The following SPECC1 variants were observed in gnomAD, a reference collection of about 807,000 sequenced individuals.
SPECC1 encodes sperm antigen with calponin homology and coiled-coil domains 1, also known as cytospin-B.
A neutral mutation model predicts 104.1 loss-of-function variants in SPECC1; 62 were observed. The ratio of observed to expected loss-of-function variants is 0.60; its 90% CI spans 0.49 to 0.74. SPECC1 has a LOEUF of 0.74. Among genes scored for constraint, SPECC1 ranks in the 30% least tolerant of loss-of-function variants. SPECC1 has a pLI of 0.00. For missense variants in SPECC1, 1,306 were observed against 1,310.5 expected (o/e 1.00, Z 0.05); for synonymous variants, 513 against 501.6 (o/e 1.02, Z -0.30).
Position 20,317,596 on chromosome 17 carries a change from G to T in SPECC1, c.*3531G>T. ...TTTTAATTAGCTGGGTACAATGATAGGCACCTGTAATCTCAGCTGCTTGGG... is the reference window on the plus strand; with the variant it reads ...TTTTAATTAGCTGGGTACAATGATATGCACCTGTAATCTCAGCTGCTTGGG... On this transcript the variant is annotated 3_prime_UTR_variant, in exon 15 of 15. Coordinates refer to ENST00000395527, the MANE Select transcript of SPECC1 (RefSeq NM_001243439.2). The T allele has an allele frequency of 5.2e-6, 1 of 192,382 alleles. No individual in the cohort carries two copies. The highest frequency in any genetic ancestry group is 1.1e-5 in the Non-Finnish European group (1 of 92,130). The allele number at this position is 192,382 out of a possible 1,614,324, so 11.9% of individuals were successfully genotyped here.
chr17:20,311,904 TTGA>T (rs2041943821), intron 14 of SPECC1, among the ~76,000 whole-genome samples: 1 of 152,236 alleles, frequency 6.6e-6, no homozygotes. Flanking sequence ...TCTTCATCTG[TTGA>T]TTTGATCATA....
chr17:20,311,831 AGTTT>A (rs1042814542), intron 14 of SPECC1, among the ~76,000 whole-genome samples: 2 of 152,076 alleles, frequency 1.3e-5, no homozygotes, highest in African/African-American at 2.4e-5. Flanking sequence ...TTCTCTTCCT[AGTTT>A]GTTGAGAGTT....
At chr17:20,219,150 C>T (rs2037700444) in intron 4 of SPECC1, among the ~76,000 whole-genome samples, 1 of 152,180 alleles carries the variant, frequency 6.6e-6, no homozygotes, top group Admixed American at 6.5e-5. Context: ...AATTTCCTTT[C>T]TTTTGGGTGT....
chr17:20,172,546 G>T (rs1413796189), intron 3 of SPECC1, among the ~76,000 whole-genome samples: 1 of 152,166 alleles, frequency 6.6e-6, no homozygotes, highest in East Asian at 1.9e-4. Flanking sequence ...CTGAGCCAGG[G>T]TTTGCCAGCA....
At chr17:20,159,646 G>A (rs1009082) in intron 3 of SPECC1, among the ~76,000 whole-genome samples, 36,237 of 152,204 alleles carry the variant, frequency 0.24, 5,543 homozygotes, top group Middle Eastern at 0.34. Context: ...GGTATCTGCA[G>A]TCCTCCGAGT....
At chr17:20,164,594 G>GAAT (rs1464619820) in intron 3 of SPECC1, among the ~76,000 whole-genome samples, 3 of 152,042 alleles carry the variant, frequency 2.0e-5, no homozygotes, top group Non-Finnish European at 4.4e-5. Flanking sequence ...TGCTTTGGTT[G>GAAT]GAACATATTC....
At chr17:20,073,071 T>G (rs772976759) in intron 1 of SPECC1, among the ~76,000 whole-genome samples, 1 of 152,068 alleles carries the variant, frequency 6.6e-6, no homozygotes, top group Non-Finnish European at 1.5e-5. Flanking sequence ...ATGAAAAGAT[T>G]TATTTAGAAC....
At chr17:20,186,771 TG>T (rs2151261434) in intron 3 of SPECC1, among the ~76,000 whole-genome samples, 1 of 152,292 alleles carries the variant, frequency 6.6e-6, no homozygotes, top group Admixed American at 6.5e-5. Context: ...CTCACTATGT[TG>T]CCCAGGCTGG....
intron 4 of SPECC1, among the ~76,000 whole-genome samples, chr17:20,207,273 A>G (rs191867432): frequency 5.1e-4 from 78 of 152,304 alleles, no homozygotes; most frequent in African/African-American, 1.8e-3. Context: ...CAATTTGGCC[A>G]TCTGATGAGC....
chr17:20,228,379 G>A (rs888663732), intron 5 of SPECC1, among the ~76,000 whole-genome samples: 2 of 152,142 alleles, frequency 1.3e-5, no homozygotes, highest in Non-Finnish European at 2.9e-5. Flanking sequence ...TGTGCTGGAT[G>A]TGTTTTGTGT....
At chr17:20,243,783 G>C (rs941911451) in intron 7 of SPECC1, among the ~76,000 whole-genome samples, 14 of 152,186 alleles carry the variant, frequency 9.2e-5, no homozygotes, top group African/African-American at 3.4e-4. Context: ...GATAAATTTA[G>C]ATAACTGAAA....
chr17:20,136,283 G>A (rs1051762491), intron 3 of SPECC1, among the ~76,000 whole-genome samples: 2 of 152,010 alleles, frequency 1.3e-5, no homozygotes, highest in Non-Finnish European at 2.9e-5. Flanking sequence ...AATTAGCCAG[G>A]CATAGTGGCG....
chr17:20,125,533 C>T (rs61141789), intron 3 of SPECC1, among the ~76,000 whole-genome samples: 37,845 of 152,132 alleles, frequency 0.25, 5,914 homozygotes, highest in African/African-American at 0.45. Flanking sequence ...GACTCCCTGT[C>T]GCACTGTCTG....
At chr17:20,284,824 C>T (rs1310783847) in intron 12 of SPECC1, among the ~76,000 whole-genome samples, 1 of 152,222 alleles carries the variant, frequency 6.6e-6, no homozygotes, top group Non-Finnish European at 1.5e-5. Flanking sequence ...GTTTAGATCA[C>T]CATGAGCCTG....
chr17:20,311,732 C>CG (rs1262754661), intron 14 of SPECC1, among the ~76,000 whole-genome samples: 31 of 152,080 alleles, frequency 2.0e-4, no homozygotes, highest in Admixed American at 1.8e-3. Context: ...CATGATTTTA[C>CG]GGGGGGAATG....
Position 20,043,951 on chromosome 17 carries a change from T to C in SPECC1, c.-22+34527T>C, listed in dbSNP as rs1033725186. ...TGTCTCCTCTATCTGGCTGACTTTC[T>C]TGGGAGCCAGGAGAGTATCTTTTCA... On this transcript the variant is annotated intron_variant, in intron 1 of 14. Coordinates refer to ENST00000395527, the MANE Select transcript of SPECC1 (RefSeq NM_001243439.2). 2.0e-5 allele frequency among the ~76,000 whole-genome samples: 3 copies of C among 152,180 alleles called. No homozygotes were observed. In the East Asian group the frequency reaches 5.8e-4, roughly 29 times the overall value.
chr17:20,143,856 C>G (rs1301820654), intron 3 of SPECC1, among the ~76,000 whole-genome samples: 2 of 152,178 alleles, frequency 1.3e-5, no homozygotes, highest in Non-Finnish European at 2.9e-5. Context: ...GTTGTCTGTA[C>G]CTGCAGCAGT....
intron 1 of SPECC1, among the ~76,000 whole-genome samples, chr17:20,018,326 T>G (rs996662127): frequency 3.3e-5 from 5 of 152,262 alleles, no homozygotes; most frequent in African/African-American, 1.2e-4. Flanking sequence ...TCTTTTGATT[T>G]AGTGTTTTAA....
intron 11 of SPECC1, among the ~76,000 whole-genome samples, chr17:20,259,686 T>A (rs1230617559): frequency 1.3e-5 from 2 of 152,054 alleles, no homozygotes; most frequent in Admixed American, 1.3e-4. Context: ...TTTTATTTTT[T>A]ATTTTTTTAA....
Sources: gnomAD v4.1 joint callset for allele counts (sites outside exome capture counted in the v4.1 genomes callset) on GRCh38, gnomAD v4.1.1 for gene constraint, MANE v1.5 for transcripts, NCBI Gene and HGNC (gene_info 2026-07-23, HGNC 2026-07-21) for gene names.